COL4A2: variants seen among roughly 807,000 people sequenced by gnomAD.
COL4A2 encodes the protein collagen alpha-2(IV) chain.
COL4A2 carries 99 observed loss-of-function variants against 200.2 expected under a neutral mutation model. That is an observed-to-expected ratio of 0.49 (90% CI 0.42 to 0.58). COL4A2 has a LOEUF of 0.58. Ranked by LOEUF, COL4A2 falls within the 20% of genes least tolerant of loss-of-function variation. The probability of loss-of-function intolerance (pLI) is 0.00; values close to 1 mark genes in which losing one functional copy is unlikely to be tolerated. For missense variants in COL4A2, 1,950 were observed against 2,314.1 expected (o/e 0.84, Z 3.23); for synonymous variants, 897 against 900.6 (o/e 1.00, Z 0.07).
At chr13:110,339,754 G>C (rs979087364) in intron 3 of COL4A2, among the ~76,000 whole-genome samples, 3 of 152,158 alleles carry the variant, frequency 2.0e-5, no homozygotes, top group Non-Finnish European at 4.4e-5. Context: ...AGTAAACTTG[G>C]TGGGAGGAAA....
intron 3 of COL4A2, among the ~76,000 whole-genome samples, chr13:110,310,905 G>A (rs571248884): frequency 1.1e-4 from 16 of 152,220 alleles, no homozygotes; most frequent in Non-Finnish European, 2.1e-4. Context: ...AAGCCACAAA[G>A]GGTTTGCAGC....
chr13:110,392,760 G>A (rs1434757328), intron 4 of COL4A2, among the ~76,000 whole-genome samples: 2 of 152,122 alleles, frequency 1.3e-5, no homozygotes, highest in Non-Finnish European at 2.9e-5. Flanking sequence ...AAACCATCTG[G>A]TCTGCTGTGG....
At chr13:110,485,886 T>C (rs995373156) in intron 34 of COL4A2, 50 bp downstream of exon 34, 1 of 1,599,756 alleles carries the variant, frequency 6.3e-7, no homozygotes, top group Non-Finnish European at 8.5e-7. Flanking sequence ...CTCTCCCCTT[T>C]GCTTGTGAAT....
chr13:110,369,632 C>G (rs1459575599), intron 4 of COL4A2, among the ~76,000 whole-genome samples: 1 of 152,180 alleles, frequency 6.6e-6, no homozygotes, highest in Non-Finnish European at 1.5e-5. Flanking sequence ...ATGGCATAGG[C>G]TATGGTTAAT....
intron 29 of COL4A2, among the ~76,000 whole-genome samples, chr13:110,476,251 G>C (rs9515233): frequency 0.13 from 19,821 of 152,210 alleles, 1,367 homozygotes; most frequent in Middle Eastern, 0.23. Flanking sequence ...CTGCAGTGCT[G>C]CCTGCCAACT....
intron 40 of COL4A2, among the ~76,000 whole-genome samples, chr13:110,501,001 T>A (rs369562510): frequency 6.6e-6 from 1 of 152,158 alleles, no homozygotes; most frequent in Admixed American, 6.5e-5. Flanking sequence ...CAAGGACACG[T>A]GTGTACAGTA....
At chr13:110,474,173 G>A (rs1882588278) in intron 29 of COL4A2, among the ~76,000 whole-genome samples, 1 of 152,016 alleles carries the variant, frequency 6.6e-6, no homozygotes, top group South Asian at 2.1e-4. Context: ...ACTGTGACTC[G>A]GTGCATTCAC....
At chr13:110,332,733 A>G (rs1875984327) in intron 3 of COL4A2, among the ~76,000 whole-genome samples, 1 of 151,408 alleles carries the variant, frequency 6.6e-6, no homozygotes, top group African/African-American at 2.4e-5. Flanking sequence ...ATCCTTAAAA[A>G]CTCTGTGTTG....
At chr13:110,458,472 C>T (rs1215302234) in intron 21 of COL4A2, among the ~76,000 whole-genome samples, 2 of 152,216 alleles carry the variant, frequency 1.3e-5, no homozygotes, top group African/African-American at 4.8e-5. Flanking sequence ...TCCTTAACCT[C>T]CTTCACACTC....
In COL4A2 at chr13:110,307,294, G is replaced by T; in HGVS notation, c.-279G>T. 1 of 387,590 alleles carries T rather than the reference G, an allele frequency of 2.6e-6. No individual in the cohort carries two copies. The highest frequency in any genetic ancestry group is 6.3e-5 in the South Asian group (1 of 15,940). The allele number at this position is 387,590 out of a possible 1,614,324, so 24.0% of individuals were successfully genotyped here. A position where few individuals can be genotyped will look rare whatever the true frequency, so the allele number is the denominator to read the frequency against. ...GAGCGCGCGGCCCGGGAGTGTGGCTGCAGTGCGCCGGGACACCAGGGCTCC... is the reference window on the plus strand; with the variant it reads ...GAGCGCGCGGCCCGGGAGTGTGGCTTCAGTGCGCCGGGACACCAGGGCTCC... On this transcript the variant is annotated 5_prime_UTR_variant, in exon 1 of 48. Transcript: ENST00000360467. The surrounding 1 kb of genome is among the most constrained non-coding windows in gnomAD (Gnocchi z 5.0).
intron 4 of COL4A2, among the ~76,000 whole-genome samples, chr13:110,384,419 G>A (rs1289620084): frequency 6.6e-6 from 1 of 152,196 alleles, no homozygotes; most frequent in Non-Finnish European, 1.5e-5. Flanking sequence ...CTTGTCCCAA[G>A]GGAACTTAAC....
chr13:110,354,798 A>G (rs1363021595), intron 3 of COL4A2, among the ~76,000 whole-genome samples: 1 of 152,122 alleles, frequency 6.6e-6, no homozygotes, highest in African/African-American at 2.4e-5. Flanking sequence ...CATTGCTGGA[A>G]CCCAAGGCCA....
At chr13:110,452,580 C>A (rs1304129633) in intron 20 of COL4A2, among the ~76,000 whole-genome samples, 3 of 152,208 alleles carry the variant, frequency 2.0e-5, no homozygotes, top group Non-Finnish European at 2.9e-5. Context: ...GTAGTCACTT[C>A]TCTGTGTCTG....
rs1243856152 is a variant in COL4A2 at position 110,512,088 on chromosome 13, T to C, written c.5036T>C (p.Ile1679Thr). 1.2e-6 allele frequency: 2 copies of C among 1,613,786 alleles called. No homozygotes were observed. Among genetic ancestry groups the C allele is most frequent in the Admixed American group, 1.7e-5 (1 of 60,028 alleles). Residue 1679 changes from isoleucine (I) to threonine (T), a missense_variant, in exon 48 of 48, where the codon ATT (isoleucine) becomes ACT (threonine). Ile to Thr is a moderately conservative substitution (Grantham distance 89). Transcript: ENST00000360467. The part of the protein sequence containing the change: ...ANKYSFWLTT[I>T]PEQSFQGSPS... ...AAGTACAGCTTCTGGCTGACCACCA[T>C]TCCCGAGCAGAGCTTCCAGGGCTCG...
chr13:110,488,387 T>G (rs1051605353), intron 34 of COL4A2, among the ~76,000 whole-genome samples: 7 of 152,150 alleles, frequency 4.6e-5, no homozygotes, highest in Non-Finnish European at 7.4e-5. Flanking sequence ...GCTGTAGTAC[T>G]AAAGTCCCAG....
At chr13:110,315,562 A>G (rs191140472) in intron 3 of COL4A2, among the ~76,000 whole-genome samples, 1 of 152,046 alleles carries the variant, frequency 6.6e-6, no homozygotes, top group Non-Finnish European at 1.5e-5. Flanking sequence ...TTCTCAGCTA[A>G]CTTACGTATT....
chr13:110,505,073 G>A (rs1411262900), intron 45 of COL4A2, among the ~76,000 whole-genome samples: 16 of 151,956 alleles, frequency 1.1e-4, no homozygotes, highest in Non-Finnish European at 2.1e-4. Flanking sequence ...CATAGGGGCC[G>A]GGCGCGGTGG....
intron 3 of COL4A2, among the ~76,000 whole-genome samples, chr13:110,332,226 A>ACTTAAT: frequency 6.6e-6 from 1 of 152,246 alleles, no homozygotes; most frequent in African/African-American, 2.4e-5. Context: ...GTATACATTA[A>ACTTAAT]GTAGACTTCA....
chr13:110,440,369 G>C (rs1030471585), intron 16 of COL4A2, among the ~76,000 whole-genome samples: 6 of 152,130 alleles, frequency 3.9e-5, no homozygotes, highest in Non-Finnish European at 8.8e-5. Context: ...GGCCTGAGGA[G>C]GGTGGATCAC....
Sources: allele counts gnomAD v4.1 joint callset (sites outside exome capture counted in the v4.1 genomes callset), GRCh38; gene constraint gnomAD v4.1.1; non-coding constraint Gnocchi (gnomAD v3.1); transcripts MANE v1.5; gene names NCBI Gene and HGNC (gene_info 2026-07-23, HGNC 2026-07-21).